The following INSC variants were observed in gnomAD, a reference collection of about 807,000 sequenced individuals.
The protein encoded by INSC is INSC spindle orientation adaptor protein.
Under a neutral mutation model 58.6 loss-of-function variants are expected in INSC, and 67 were observed. The observed-to-expected ratio is 1.14, with a 90% CI of 0.94 to 1.40. INSC has a LOEUF of 1.40. Ranked by LOEUF, INSC falls within the 40% of genes most tolerant of loss-of-function variation. The probability of loss-of-function intolerance (pLI) is 0.00; values close to 1 mark genes in which losing one functional copy is unlikely to be tolerated. For missense variants in INSC, 714 were observed against 692.0 expected (o/e 1.03, Z -0.36); for synonymous variants, 262 against 276.1 (o/e 0.95, Z 0.51).
At chr11:15,139,036 T>C (rs1366335858) in intron 1 of INSC, among the ~76,000 whole-genome samples, 1 of 152,240 alleles carries the variant, frequency 6.6e-6, no homozygotes, top group African/African-American at 2.4e-5. Context: ...CTCAAGGCTT[T>C]AGATTTCAGA....
chr11:15,227,203 C>T (rs1014602938), intron 9 of INSC, among the ~76,000 whole-genome samples: 7 of 152,192 alleles, frequency 4.6e-5, no homozygotes, highest in Non-Finnish European at 1.0e-4. Context: ...CTTTGACTCT[C>T]ATCTGCTGTC....
chr11:15,210,157 C>T (rs953541457), intron 7 of INSC, among the ~76,000 whole-genome samples: 37 of 152,126 alleles, frequency 2.4e-4, no homozygotes, highest in African/African-American at 8.0e-4. Context: ...GTTCAGCAGG[C>T]TTGATGTTAG....
At chr11:15,232,710 A>G (rs1267484019) in intron 9 of INSC, among the ~76,000 whole-genome samples, 1 of 152,228 alleles carries the variant, frequency 6.6e-6, no homozygotes, top group African/African-American at 2.4e-5. Flanking sequence ...TTGATTATCC[A>G]GGTGAATCCA....
chr11:15,124,758 G>A lies in INSC; in HGVS notation c.-46+9755G>A, dbSNP rs916589892. ...ATGTGTGCTGTCCATCTGCTTTGGC[G>A]GCTGACAGGGCTGGAATTGAGCAGG... On this transcript the variant is annotated intron_variant, in intron 1 of 12. Transcript: ENST00000379556. 2.6e-4 allele frequency among the ~76,000 whole-genome samples: 39 copies of A among 152,092 alleles called. 1 individual carries two copies. Among genetic ancestry groups the A allele is most frequent in the African/African-American group, 2.4e-5 (1 of 41,396 alleles).
chr11:15,196,900 C>T (rs1850392575), intron 6 of INSC, among the ~76,000 whole-genome samples: 1 of 152,148 alleles, frequency 6.6e-6, no homozygotes. Context: ...TGTTTGGCAG[C>T]AAAGGCTACG....
At chr11:15,222,055 G>C (rs982816855) in intron 8 of INSC, among the ~76,000 whole-genome samples, 1 of 152,146 alleles carries the variant, frequency 6.6e-6, no homozygotes, top group African/African-American at 2.4e-5. Flanking sequence ...AATGACTGGG[G>C]AAAATGGTTT....
chr11:15,117,201 G>A (rs992410118), intron 1 of INSC, among the ~76,000 whole-genome samples: 10 of 151,730 alleles, frequency 6.6e-5, no homozygotes, highest in East Asian at 1.9e-4. Flanking sequence ...CTAGGCCTCC[G>A]ATACTGCTGG....
At chr11:15,192,997 T>C (rs1417669071) in intron 6 of INSC, among the ~76,000 whole-genome samples, 1 of 152,228 alleles carries the variant, frequency 6.6e-6, no homozygotes, top group Non-Finnish European at 1.5e-5. Flanking sequence ...TAACATTTTA[T>C]ACAAATGAAG....
At chr11:15,140,372 G>A (rs892368966) in intron 1 of INSC, among the ~76,000 whole-genome samples, 5 of 152,142 alleles carry the variant, frequency 3.3e-5, no homozygotes, top group Non-Finnish European at 7.3e-5. Flanking sequence ...CGCTTTCCCA[G>A]TTTTACAGGT....
chr11:15,241,541 A>G (rs1253941713), intron 12 of INSC: 1 of 702,186 alleles, frequency 1.4e-6, no homozygotes, highest in South Asian at 1.5e-5. Flanking sequence ...TTATGGAATG[A>G]TTCTGCGTTC....
chr11:15,238,039 G>A (rs1852197600), intron 10 of INSC, among the ~76,000 whole-genome samples: 1 of 152,100 alleles, frequency 6.6e-6, no homozygotes, highest in Non-Finnish European at 1.5e-5. Flanking sequence ...AGTGTGGGAT[G>A]GGCAGTTGGG....
chr11:15,114,911 G>T (rs905726605), upstream of INSC: 1 of 985,162 alleles, frequency 1.0e-6, no homozygotes. Context: ...GGGCTGGGCC[G>T]GCAGAGCGGC....
intron 2 of INSC, among the ~76,000 whole-genome samples, chr11:15,162,227 C>G (rs190333459): frequency 1.8e-4 from 28 of 152,234 alleles, no homozygotes; most frequent in Non-Finnish European, 2.2e-4. Context: ...GTGATCTGGC[C>G]TAATCCCTTC....
At position 15,216,494 on chromosome 11, in the gene INSC, G is replaced by A. The variant is rs548124078; in HGVS notation, c.820-4983G>A. Among the ~76,000 whole-genome samples, 5 of 152,098 alleles carry A rather than the reference G, an allele frequency of 3.3e-5. No homozygotes were observed. In the South Asian group the frequency reaches 8.3e-4, roughly 25 times the overall value. The stretch of plus-strand genomic sequence containing the variant: ...ATTTCTGCTTCATCTCTGTGTCACT[G>A]CCCAGGTCAGCACCTATCACAATGT... On this transcript the variant is annotated intron_variant, in intron 7 of 12. Coordinates refer to ENST00000379556, the MANE Select transcript of INSC (RefSeq NM_001042536.3).
At chr11:15,200,571 C>G (rs910209425) in intron 6 of INSC, among the ~76,000 whole-genome samples, 1 of 152,006 alleles carries the variant, frequency 6.6e-6, no homozygotes, top group African/African-American at 2.4e-5. Flanking sequence ...CCCTGGCTCC[C>G]GAGCCCCAGA....
chr11:15,232,685 AT>A (rs1419300382), intron 9 of INSC, among the ~76,000 whole-genome samples: 2 of 152,186 alleles, frequency 1.3e-5, no homozygotes, highest in African/African-American at 4.8e-5. Context: ...AGATCTTGAC[AT>A]AGGAATGTTA....
chr11:15,247,732 G>GGT (rs1852604863), downstream of INSC, among the ~76,000 whole-genome samples: 4 of 59,370 alleles, frequency 6.7e-5, no homozygotes, highest in African/African-American at 2.8e-4. Context: ...TTAGAAATAA[G>GGT]GTATATATAT....
At chr11:15,139,700 T>A (rs868238362) in intron 1 of INSC, among the ~76,000 whole-genome samples, 1 of 152,306 alleles carries the variant, frequency 6.6e-6, no homozygotes, top group Middle Eastern at 3.4e-3. Flanking sequence ...ATGCTCAAGG[T>A]CACACAGCTA....
intron 2 of INSC, among the ~76,000 whole-genome samples, chr11:15,175,428 C>T (rs1374641459): frequency 6.6e-6 from 1 of 152,104 alleles, no homozygotes; most frequent in Non-Finnish European, 1.5e-5. Flanking sequence ...TGGTCTTGAA[C>T]TCCTGGCCTC....
Sources: gnomAD v4.1 joint callset for allele counts (sites outside exome capture counted in the v4.1 genomes callset) on GRCh38, gnomAD v4.1.1 for gene constraint, MANE v1.5 for transcripts, NCBI Gene and HGNC (gene_info 2026-07-23, HGNC 2026-07-21) for gene names.